The following CDKL1 variants were observed in gnomAD, a reference collection of about 807,000 sequenced individuals.
The protein encoded by CDKL1 is cyclin dependent kinase like 1.
A neutral mutation model predicts 42.0 loss-of-function variants in CDKL1; 41 were observed. The ratio of observed to expected loss-of-function variants is 0.98; its 90% CI spans 0.76 to 1.27. The LOEUF (loss-of-function observed/expected upper bound fraction) is 1.27. Ranked by LOEUF, CDKL1 falls within the 50% of genes most tolerant of loss-of-function variation. The pLI is 0.00. For missense variants in CDKL1, 394 were observed against 428.4 expected (o/e 0.92, Z 0.71); for synonymous variants, 153 against 158.6 (o/e 0.96, Z 0.26).
chr14:50,371,899 G>T (rs948504498), intron 2 of CDKL1, among the ~76,000 whole-genome samples: 3 of 152,204 alleles, frequency 2.0e-5, no homozygotes, highest in Non-Finnish European at 4.4e-5. Context: ...CAAAGTTATG[G>T]CCAAGCCCAG....
At chr14:50,393,457 T>TA (rs1030257722) in intron 2 of CDKL1, among the ~76,000 whole-genome samples, 2 of 152,244 alleles carry the variant, frequency 1.3e-5, no homozygotes, top group Non-Finnish European at 2.9e-5. Context: ...TCAATTCACC[T>TA]ACTCAACAAA....
intron 3 of CDKL1, among the ~76,000 whole-genome samples, chr14:50,345,464 A>G (rs2033693935): frequency 6.6e-6 from 1 of 152,220 alleles, no homozygotes; most frequent in Admixed American, 6.5e-5. Flanking sequence ...TATTTTCTCA[A>G]GTTGCCCCAA....
intron 4 of CDKL1, among the ~76,000 whole-genome samples, chr14:50,344,084 A>T (rs188449627): frequency 9.2e-5 from 14 of 152,332 alleles, no homozygotes; most frequent in Non-Finnish European, 2.1e-4. Flanking sequence ...TCTGGTTTCT[A>T]TGCACAGTGG....
rs113523746 is a variant in CDKL1 at position 50,385,504 on chromosome 14, A to T, written c.168+10197T>A. ...GGAAAACTCTTTCAGATTAAAGGAG[A>T]CTAAAGAGTCATGGCAATGGGCCAG... On this transcript the variant is annotated intron_variant, in intron 2 of 9. Transcript: ENST00000395834. Among the ~76,000 whole-genome samples, 236 of 152,322 alleles carry T rather than the reference A, an allele frequency of 1.5e-3. 1 individual carries two copies. Among genetic ancestry groups the T allele is most frequent in the Middle Eastern group, 0.014 (4 of 294 alleles).
At chr14:50,374,212 A>G (rs1256116173) in intron 2 of CDKL1, among the ~76,000 whole-genome samples, 1 of 152,236 alleles carries the variant, frequency 6.6e-6, no homozygotes, top group East Asian at 1.9e-4. Flanking sequence ...GACATTCTGG[A>G]AAGGTAAAGC....
chr14:50,342,785 C>T (rs1300969036), intron 4 of CDKL1: 1 of 926,396 alleles, frequency 1.1e-6, no homozygotes, highest in Non-Finnish European at 1.4e-6. Context: ...CAGGACAAGC[C>T]CTGGGCCTGC....
intron 2 of CDKL1, among the ~76,000 whole-genome samples, chr14:50,375,545 A>G (rs974489602): frequency 2.6e-5 from 4 of 152,184 alleles, no homozygotes; most frequent in Non-Finnish European, 5.9e-5. Context: ...CAAGGTCAAC[A>G]TCAATAGTGG....
intron 3 of CDKL1, among the ~76,000 whole-genome samples, chr14:50,349,558 A>C (rs557550612): frequency 8.5e-5 from 13 of 152,200 alleles, no homozygotes; most frequent in Non-Finnish European, 1.2e-4. Context: ...TCCTGACAGG[A>C]CAGTGTGACC....
rs776801523 is a variant in CDKL1 at position 50,335,581 on chromosome 14, G to A, written c.739-960C>T. On this transcript the variant is annotated intron_variant, in intron 7 of 9. Coordinates refer to ENST00000395834, the MANE Select transcript of CDKL1 (RefSeq NM_004196.7). ...TAACACTATAAATGGGAGGAATGCC[G>A]AATGTCAGGCAGACAAACAGGCCAG... The A allele has an allele frequency of 1.2e-5, 18 of 1,535,078 alleles. No individual in the cohort carries two copies. The South Asian group carries it at 1.3e-4, about 11-fold the overall frequency.
chr14:50,352,171 A>G (rs2139429757), intron 3 of CDKL1, among the ~76,000 whole-genome samples: 1 of 152,306 alleles, frequency 6.6e-6, no homozygotes, highest in Non-Finnish European at 1.5e-5. Flanking sequence ...TGGTTTTGGC[A>G]TCAGCATATA....
intron 2 of CDKL1, among the ~76,000 whole-genome samples, chr14:50,364,337 C>T (rs1221732652): frequency 6.6e-6 from 1 of 152,158 alleles, no homozygotes; most frequent in Non-Finnish European, 1.5e-5. Context: ...GGCGTGGCGG[C>T]ACGCACCTGT....
rs147867417 is a variant in CDKL1 at position 50,380,216 on chromosome 14, G to C, written c.168+15485C>G. On this transcript the variant is annotated intron_variant, in intron 2 of 9. Transcript: ENST00000395834. ...TGGCAACACAACCCTGGTCAAAATA[G>C]TAAATCCGAAGCAAAACTGCATCCC... 293 of 532,762 alleles carry C rather than the reference G, an allele frequency of 5.5e-4. 1 individual carries two copies. Among genetic ancestry groups the C allele is most frequent in the Middle Eastern group, 4.4e-3 (14 of 3,148 alleles). The allele number at this position is 532,762 out of a possible 1,614,324, so 33.0% of individuals were successfully genotyped here.
intron 2 of CDKL1, among the ~76,000 whole-genome samples, chr14:50,383,249 A>T (rs1452145278): frequency 6.6e-6 from 1 of 151,806 alleles, no homozygotes; most frequent in East Asian, 2.0e-4. Context: ...TATAATAACG[A>T]TATGTAATAC....
At chr14:50,378,893 C>A (rs2034821226) in intron 2 of CDKL1, among the ~76,000 whole-genome samples, 1 of 151,680 alleles carries the variant, frequency 6.6e-6, no homozygotes, top group Non-Finnish European at 1.5e-5. Context: ...ACTCTGTCAC[C>A]CAGGCTGGAG....
chr14:50,342,516 G>T, intron 4 of CDKL1: 1 of 844,012 alleles, frequency 1.2e-6, no homozygotes, highest in Non-Finnish European at 1.5e-6. Flanking sequence ...TTGAATTTCA[G>T]ATAAACAAAT....
At chr14:50,389,013 C>T (rs1052711865) in intron 2 of CDKL1, among the ~76,000 whole-genome samples, 2 of 146,164 alleles carry the variant, frequency 1.4e-5, no homozygotes, top group Non-Finnish European at 3.0e-5. Context: ...GCAGGATAAT[C>T]GCTTGAACCC....
chr14:50,392,176 G>A (rs1393860196), intron 2 of CDKL1, among the ~76,000 whole-genome samples: 4 of 152,236 alleles, frequency 2.6e-5, no homozygotes, highest in African/African-American at 7.2e-5. Context: ...CCAGGAGCGG[G>A]GGCTCACGCC....
chr14:50,337,022 G>T (rs1258693559), intron 7 of CDKL1, among the ~76,000 whole-genome samples: 1 of 151,972 alleles, frequency 6.6e-6, no homozygotes, highest in African/African-American at 2.4e-5. Context: ...TTTTGTTTTT[G>T]TTTTGAGACG....
intron 2 of CDKL1, among the ~76,000 whole-genome samples, chr14:50,376,703 C>A (rs1229149687): frequency 6.6e-6 from 1 of 152,132 alleles, no homozygotes. Flanking sequence ...CTTCCATTTT[C>A]ATATATTCAC....
Sources: gnomAD v4.1 joint callset for allele counts (sites outside exome capture counted in the v4.1 genomes callset) on GRCh38, gnomAD v4.1.1 for gene constraint, MANE v1.5 for transcripts, NCBI Gene and HGNC (gene_info 2026-07-23, HGNC 2026-07-21) for gene names.